Variants in TMEM243 observed in about 807,000 individuals in gnomAD.
TMEM243 encodes the protein transmembrane protein 243.
In TMEM243, 20 loss-of-function variants were observed where a neutral mutation model predicts 15.0. That is an observed-to-expected ratio of 1.33 (90% CI 0.94 to 1.93). TMEM243 has a LOEUF of 1.93. Ranked by LOEUF, TMEM243 falls within the 30% of genes most tolerant of loss-of-function variation. The pLI, the probability that TMEM243 is intolerant of heterozygous loss-of-function variation, is 0.00. For synonymous variants in TMEM243, 72 were observed against 52.7 expected (o/e 1.37, Z -1.59); for missense variants, 156 against 142.1 (o/e 1.10, Z -0.50).
chr7:87,197,006 C>T (rs1481219882), intron 3 of TMEM243, among the ~76,000 whole-genome samples: 1 of 152,038 alleles, frequency 6.6e-6, no homozygotes, highest in African/African-American at 2.4e-5. Context: ...GTATACTCCA[C>T]CAGTCATCTG....
rs138930758 is a variant in TMEM243, at chr7:87,198,172, C to A, written c.130-127G>T. On this transcript the variant is annotated intron_variant, in intron 2 of 3. Coordinates refer to ENST00000257637, the MANE Select transcript of TMEM243 (RefSeq NM_024315.4). Reference sequence around the variant, plus strand: ...AAAATTACATCTGCCACCAAGTTTGCTTTCTAGAATGTTAATACAGTAATT... The same window carrying A: ...AAAATTACATCTGCCACCAAGTTTGATTTCTAGAATGTTAATACAGTAATT... 4.2e-5 allele frequency: 30 copies of A among 717,380 alleles called. No individual in the cohort carries two copies. The African/African-American group carries it at 5.1e-4, about 12-fold the overall frequency. The allele number at this position is 717,380 out of a possible 1,614,324, so 44.4% of individuals were successfully genotyped here.
chr7:87,208,830 T>C (rs1802408185), intron 1 of TMEM243, among the ~76,000 whole-genome samples: 1 of 152,368 alleles, frequency 6.6e-6, no homozygotes. Flanking sequence ...CCACATGTTT[T>C]TGAGGGCTCC....
At chr7:87,204,097 G>C (rs1008713713) in intron 1 of TMEM243, among the ~76,000 whole-genome samples, 5 of 152,178 alleles carry the variant, frequency 3.3e-5, no homozygotes, top group African/African-American at 1.2e-4. Flanking sequence ...CATGATGGCA[G>C]GCAAGAGAGA....
intron 1 of TMEM243, among the ~76,000 whole-genome samples, chr7:87,204,706 C>G (rs1347290441): frequency 6.6e-6 from 1 of 152,206 alleles, no homozygotes; most frequent in African/African-American, 2.4e-5. Flanking sequence ...CAGGGTACAG[C>G]CTCCCTCCCA....
chr7:87,220,456 G>GGAAC (rs1803450518), upstream of TMEM243: 1 of 152,292 alleles, frequency 6.6e-6, no homozygotes, highest in Non-Finnish European at 1.5e-5. Context: ...CCGGTGCCGA[G>GGAAC]GCCCAGGAAC....
intron 1 of TMEM243, among the ~76,000 whole-genome samples, chr7:87,203,626 T>A (rs139813224): frequency 1.1e-3 from 161 of 150,634 alleles, no homozygotes; most frequent in African/African-American, 3.8e-3. Flanking sequence ...AAAAAAAAAT[T>A]GTCTTAAAAA....
chr7:87,205,455 C>T (rs1802143887), intron 1 of TMEM243, among the ~76,000 whole-genome samples: 1 of 151,888 alleles, frequency 6.6e-6, no homozygotes, highest in Non-Finnish European at 1.5e-5. Context: ...CTGTGTTTCC[C>T]TTTTAAAACT....
At chr7:87,207,099 G>T (rs146191604) in intron 1 of TMEM243, among the ~76,000 whole-genome samples, 6 of 152,340 alleles carry the variant, frequency 3.9e-5, no homozygotes, top group African/African-American at 1.4e-4. Context: ...TGTTCCCAAA[G>T]AAATATCAAT....
At chr7:87,211,128 C>T (rs1223613355) in intron 1 of TMEM243, among the ~76,000 whole-genome samples, 1 of 152,194 alleles carries the variant, frequency 6.6e-6, no homozygotes, top group African/African-American at 2.4e-5. Context: ...ACATTTTCCC[C>T]ATTGTCTTAC....
chr7:87,208,336 T>C (rs1417377700), intron 1 of TMEM243, among the ~76,000 whole-genome samples: 1 of 152,158 alleles, frequency 6.6e-6, no homozygotes, highest in East Asian at 1.9e-4. Flanking sequence ...TCAGAAAAAC[T>C]GGCCAAAACA....
chr7:87,205,150 C>T (rs530209375), intron 1 of TMEM243, among the ~76,000 whole-genome samples: 7 of 152,234 alleles, frequency 4.6e-5, no homozygotes, highest in Non-Finnish European at 1.0e-4. Flanking sequence ...AAGCGGCATA[C>T]AGCAGAGGGG....
intron 1 of TMEM243, among the ~76,000 whole-genome samples, chr7:87,203,818 T>G (rs958707754): frequency 6.6e-6 from 1 of 152,094 alleles, no homozygotes; most frequent in African/African-American, 2.4e-5. Context: ...ACAGAAAATA[T>G]AGATAATTCA....
chr7:87,205,706 A>G (rs1802169252), intron 1 of TMEM243, among the ~76,000 whole-genome samples: 2 of 152,058 alleles, frequency 1.3e-5, no homozygotes, highest in South Asian at 2.1e-4. Context: ...CCATATCACT[A>G]TCAGCATTTG....
Position 87,215,008 on chromosome 7 carries a change from T to C in TMEM243, c.78+4418A>G, listed in dbSNP as rs905602542. Reference sequence around the variant, plus strand: ...TCAGTGCTCAGGAAGTTTTGGATTTTGGAGCATTTCGGATTTTGGATTTGG... The same window carrying C: ...TCAGTGCTCAGGAAGTTTTGGATTTCGGAGCATTTCGGATTTTGGATTTGG... On this transcript the variant is annotated intron_variant, in intron 1 of 3. Coordinates refer to ENST00000257637, the MANE Select transcript of TMEM243 (RefSeq NM_024315.4). Among the ~76,000 whole-genome samples the C allele has an allele frequency of 2.0e-5, 3 of 152,358 alleles. No individual in the cohort carries two copies. In the South Asian group the frequency reaches 6.2e-4, roughly 32 times the overall value.
chr7:87,214,198 G>T (rs530746862), intron 1 of TMEM243, among the ~76,000 whole-genome samples: 1 of 152,260 alleles, frequency 6.6e-6, no homozygotes, highest in Non-Finnish European at 1.5e-5. Flanking sequence ...AGTCTAGATG[G>T]ACTGAAACTG....
chr7:87,198,858 TTAAA>T (rs1801575303), intron 2 of TMEM243, 145 bp downstream of exon 2: 1 of 627,486 alleles, frequency 1.6e-6, no homozygotes, highest in African/African-American at 1.9e-5. Flanking sequence ...TGGGGCAGAA[TTAAA>T]TTAGCTACTC....
At chr7:87,201,681 C>T (rs1052282180) in intron 1 of TMEM243, among the ~76,000 whole-genome samples, 3 of 152,160 alleles carry the variant, frequency 2.0e-5, no homozygotes, top group Non-Finnish European at 4.4e-5. Flanking sequence ...GTGAGTAATA[C>T]ATTTAAACTT....
intron 1 of TMEM243, among the ~76,000 whole-genome samples, chr7:87,206,378 C>G (rs1323046840): frequency 6.6e-6 from 1 of 152,254 alleles, no homozygotes. Context: ...TTACACTTAA[C>G]TGCATCAAAA....
At chr7:87,211,820 G>A (rs1218493895) in intron 1 of TMEM243, among the ~76,000 whole-genome samples, 1 of 152,208 alleles carries the variant, frequency 6.6e-6, no homozygotes, top group Admixed American at 6.5e-5. Flanking sequence ...AAAGCAAGGA[G>A]ACATTCTGTC....
Sources: allele counts gnomAD v4.1 joint callset (sites outside exome capture counted in the v4.1 genomes callset), GRCh38; gene constraint gnomAD v4.1.1; transcripts MANE v1.5; gene names NCBI Gene and HGNC (gene_info 2026-07-23, HGNC 2026-07-21).